Variants in TMEM132B observed in about 807,000 individuals in gnomAD.
TMEM132B encodes the protein transmembrane protein 132B.
In TMEM132B, 18 loss-of-function variants were observed where a neutral mutation model predicts 90.8. The observed-to-expected ratio is 0.20, with a 90% CI of 0.14 to 0.29. TMEM132B has a LOEUF of 0.29. Among genes scored for constraint, TMEM132B ranks in the 10% least tolerant of loss-of-function variants. The probability of loss-of-function intolerance (pLI) is 1.00; values close to 1 mark genes in which losing one functional copy is unlikely to be tolerated. For missense variants in TMEM132B, 1,096 were observed against 1,326.8 expected (o/e 0.83, Z 2.70); for synonymous variants, 504 against 523.3 (o/e 0.96, Z 0.50).
chr12:125,312,727 C>T (rs879857574), intron 1 of TMEM132B, among the ~76,000 whole-genome samples: 23 of 152,160 alleles, frequency 1.5e-4, no homozygotes, highest in Non-Finnish European at 2.6e-4. Context: ...CAGGTTTCAC[C>T]TTGCAGAAAT....
chr12:125,502,604 C>T (rs534705011), intron 3 of TMEM132B, among the ~76,000 whole-genome samples: 1 of 152,188 alleles, frequency 6.6e-6, no homozygotes, highest in Non-Finnish European at 1.5e-5. Flanking sequence ...TCAGAAAATG[C>T]GGAGCTGGAA....
chr12:125,338,504 G>A (rs1877052962), intron 1 of TMEM132B, among the ~76,000 whole-genome samples: 2 of 152,192 alleles, frequency 1.3e-5, no homozygotes, highest in South Asian at 4.1e-4. Flanking sequence ...CCTGAGGATG[G>A]GGGCACTGGA....
chr12:125,194,234 C>T (rs571695184), intron 1 of TMEM132B, among the ~76,000 whole-genome samples: 2 of 151,810 alleles, frequency 1.3e-5, no homozygotes, highest in African/African-American at 2.4e-5. Context: ...GATAGAGTTG[C>T]TCGGTGCTCC....
intron 1 of TMEM132B, among the ~76,000 whole-genome samples, chr12:125,335,112 A>G (rs7304047): frequency 0.5 from 75,475 of 152,082 alleles, 19,642 homozygotes; most frequent in African/African-American, 0.65. Flanking sequence ...TGAACACAGT[A>G]TGTCAAATTG....
intron 4 of TMEM132B, among the ~76,000 whole-genome samples, chr12:125,573,250 C>A (rs1185960703): frequency 6.6e-6 from 1 of 152,166 alleles, no homozygotes; most frequent in East Asian, 1.9e-4. Flanking sequence ...TACACACCTA[C>A]GTTATACATA....
chr12:125,363,456 G>T (rs1462561647), intron 2 of TMEM132B, among the ~76,000 whole-genome samples: 2 of 152,182 alleles, frequency 1.3e-5, no homozygotes, highest in Non-Finnish European at 2.9e-5. Flanking sequence ...CTAGGGGCAA[G>T]CAGTGTGGGG....
At chr12:125,542,839 T>G (rs933085830) in intron 4 of TMEM132B, among the ~76,000 whole-genome samples, 8 of 152,212 alleles carry the variant, frequency 5.3e-5, no homozygotes, top group African/African-American at 1.9e-4. Context: ...TCTGTTCTTT[T>G]GAGTATATTG....
At chr12:125,557,036 C>T (rs569867039) in intron 4 of TMEM132B, among the ~76,000 whole-genome samples, 1 of 152,280 alleles carries the variant, frequency 6.6e-6, no homozygotes, top group East Asian at 1.9e-4. Flanking sequence ...ATTTGACTTA[C>T]GTGCCTTGTG....
At chr12:125,240,423 G>A (rs1874038565) in intron 1 of TMEM132B, among the ~76,000 whole-genome samples, 2 of 152,274 alleles carry the variant, frequency 1.3e-5, no homozygotes, top group Non-Finnish European at 2.9e-5. Flanking sequence ...CTGGGACTCA[G>A]TAGTGCATTT....
chr12:125,187,768 T>C (rs1957768435), intron 1 of TMEM132B, among the ~76,000 whole-genome samples: 1 of 135,836 alleles, frequency 7.4e-6, no homozygotes, highest in African/African-American at 2.7e-5. Flanking sequence ...TGACAATTCC[T>C]CCCCTCCCCC....
chr12:125,269,212 CATT>C (rs1187170619), intron 1 of TMEM132B, among the ~76,000 whole-genome samples: 1 of 152,200 alleles, frequency 6.6e-6, no homozygotes, highest in Non-Finnish European at 1.5e-5. Context: ...ATCACCTGAG[CATT>C]GCCAGTGACT....
intron 1 of TMEM132B, among the ~76,000 whole-genome samples, chr12:125,332,503 C>A (rs528980368): frequency 1.3e-5 from 2 of 151,952 alleles, no homozygotes; most frequent in South Asian, 4.2e-4. Flanking sequence ...GCCCTCCACC[C>A]ACTGCATTTC....
chr12:125,290,958 AAGAT>A (rs1230619450), intron 1 of TMEM132B, among the ~76,000 whole-genome samples: 1 of 152,176 alleles, frequency 6.6e-6, no homozygotes, highest in Non-Finnish European at 1.5e-5. Context: ...AGTTGAATTT[AAGAT>A]AGAGAGAGTG....
Position 125,406,166 on chromosome 12 carries a change from A to G in TMEM132B, c.960-9365A>G, listed in dbSNP as rs117703191. Among the ~76,000 whole-genome samples the G allele has an allele frequency of 1.8e-3, 279 of 152,314 alleles. 2 individuals are homozygous for G. The South Asian group carries it at 0.022, about 12-fold the overall frequency. ...AGTGAATTTCCAGTAGACTGTGAGT[A>G]CCTTTTACTGTCCAAACAGGAATCT... On this transcript the variant is annotated intron_variant, in intron 2 of 8. Coordinates refer to ENST00000682704, the MANE Select transcript of TMEM132B (RefSeq NM_001366854.1). The surrounding 1 kb of genome is among the most constrained non-coding windows in gnomAD (Gnocchi z 8.3).
intron 4 of TMEM132B, among the ~76,000 whole-genome samples, chr12:125,560,526 TA>T (rs993357444): frequency 6.6e-6 from 1 of 151,970 alleles, no homozygotes; most frequent in Non-Finnish European, 1.5e-5. Flanking sequence ...TAGTGATCAT[TA>T]AAAAGTCAGG....
Position 125,415,455 on chromosome 12 carries a change from C to T in TMEM132B, c.960-76C>T, listed in dbSNP as rs530377437. On this transcript the variant is annotated intron_variant, in intron 2 of 8. Coordinates refer to ENST00000682704, the MANE Select transcript of TMEM132B (RefSeq NM_001366854.1). This position sits in a 1 kb window ranked among gnomAD's most constrained non-coding sequence, Gnocchi z 5.3. The stretch of plus-strand genomic sequence containing the variant: ...AGATGCTTTCCCAGTGATCTGCTCT[C>T]GTGCCATCTTTTACTACCTGTTTCA... 31 of 1,548,566 alleles carry T rather than the reference C, an allele frequency of 2.0e-5. No homozygotes were observed. Among genetic ancestry groups the T allele is most frequent in the South Asian group, 1.9e-4 (15 of 80,900 alleles).
rs1344574472 is a variant in TMEM132B at position 125,350,328 on chromosome 12, A to G, written c.944A>G (p.Asp315Gly). The change falls in exon 2 of 9, where the codon GAC becomes GGC. Residue 315 changes from aspartate to glycine, a missense_variant. Coordinates refer to ENST00000682704, the MANE Select transcript of TMEM132B (RefSeq NM_001366854.1). The stretch of plus-strand genomic sequence containing the variant: ...TCTCTGACCAGTAGCTCTGTGGCAG[A>G]CCAGTTCACTCTTAGGTAAGAGGCT... ...LVSLTSSSVA[D>G]QFTLRIKAAA... 7 of 1,612,616 alleles carry G rather than the reference A, an allele frequency of 4.3e-6. No individual in the cohort carries two copies. In the Admixed American group the frequency reaches 6.7e-5, roughly 15 times the overall value.
intron 1 of TMEM132B, among the ~76,000 whole-genome samples, chr12:125,306,326 A>T (rs1425468888): frequency 6.6e-6 from 1 of 152,246 alleles, no homozygotes; most frequent in East Asian, 1.9e-4. Context: ...AGCAGATGGC[A>T]GATGAAGCTT....
intron 2 of TMEM132B, among the ~76,000 whole-genome samples, chr12:125,413,341 C>T (rs566277360): frequency 3.0e-4 from 45 of 151,070 alleles, no homozygotes; most frequent in Admixed American, 7.3e-4. Context: ...CTTTTTTGTA[C>T]TGAGGTAAAA....
Sources: gnomAD v4.1 joint callset for allele counts (sites outside exome capture counted in the v4.1 genomes callset) on GRCh38, gnomAD v4.1.1 for gene constraint, Gnocchi (gnomAD v3.1) non-coding constraint, MANE v1.5 for transcripts, NCBI Gene and HGNC (gene_info 2026-07-23, HGNC 2026-07-21) for gene names.